Variants in SHROOM4 observed in about 807,000 individuals in gnomAD.
SHROOM4 encodes the protein protein Shroom4.
A neutral mutation model predicts 80.3 loss-of-function variants in SHROOM4; 17 were observed. That is an observed-to-expected ratio of 0.21 (90% confidence interval 0.14 to 0.32). The LOEUF (loss-of-function observed/expected upper bound fraction) is 0.32, where lower values mean the gene tolerates loss of function less well. SHROOM4 is among the 10% of genes least tolerant of loss of function. SHROOM4 has a pLI of 1.00. For missense variants in SHROOM4, 993 were observed against 1,140.3 expected, an observed-to-expected ratio of 0.87 and a Z score of 1.86; for synonymous variants, 400 against 437.5, an observed-to-expected ratio of 0.91 and a Z score of 1.07.
At chrX:50,667,676 T>TA (rs1413389770) in intron 2 of SHROOM4, among the ~76,000 whole-genome samples, 1 of 110,630 alleles carries the variant, frequency 9.0e-6, no homozygotes, top group Non-Finnish European at 1.9e-5. Context: ...AACTTAGGAG[T>TA]AAAAAAAATC....
At chrX:50,608,208 G>A in intron 5 of SHROOM4, 24 bp from the exon 6 acceptor site, 1 of 1,204,119 alleles carries the variant, frequency 8.3e-7, no homozygotes, top group Non-Finnish European at 1.1e-6. Flanking sequence ...GATGAGTACT[G>A]AGAAAAACAA....
intron 1 of SHROOM4, among the ~76,000 whole-genome samples, chrX:50,792,305 T>A (rs1935869553): frequency 9.0e-6 from 1 of 111,040 alleles, no homozygotes; most frequent in Non-Finnish European, 1.9e-5. Context: ...TCGAGACCAG[T>A]CTGGCCAACA....
rs1461318917 is a variant in SHROOM4, at chrX:50,633,687, T to C, written c.2386A>G (p.Ser796Gly). 5.0e-6 allele frequency: 6 copies of C among 1,210,440 alleles called. No homozygotes were observed. In the Admixed American group the frequency reaches 1.3e-4, roughly 26 times the overall value. ...TSHLPGLTTH[S>G]NKTFTQRPKP... ...GGTCTCTGGGTAAAAGTCTTGTTGC[T>C]ATGAGTGGTTAAACCTGGCAAATGA... is the stretch of plus-strand genomic sequence containing the variant. The change falls in exon 4 of 9, where the codon AGC becomes GGC. Residue 796 changes from serine (S) to glycine (G), a missense_variant. Ser to Gly is a moderately conservative substitution (Grantham distance 56). Coordinates refer to ENST00000376020, the MANE Select transcript of SHROOM4 (RefSeq NM_020717.5).
At chrX:50,630,287 C>T (rs782303807) in intron 4 of SHROOM4, among the ~76,000 whole-genome samples, 1 of 105,854 alleles carries the variant, frequency 9.4e-6, no homozygotes, top group South Asian at 4.7e-4. Flanking sequence ...TCTGTGAGTC[C>T]TTCTTCCAGC....
chrX:50,786,316 G>A (rs1159333965), intron 1 of SHROOM4, among the ~76,000 whole-genome samples: 2 of 111,875 alleles, frequency 1.8e-5, no homozygotes, highest in Non-Finnish European at 3.8e-5. Context: ...AGAGATGAGA[G>A]ACAGTATGTT....
rs149727135 is a variant in SHROOM4, at chrX:50,744,038, C to G, written c.118-48101G>C. ...TCCTCTGGCTGCTTTCAGGATTTTC[C>G]CTTTGGCTTTGAATTTCAGCATTTT... On this transcript the variant is annotated intron_variant, in intron 1 of 8. Coordinates refer to ENST00000376020, the MANE Select transcript of SHROOM4 (RefSeq NM_020717.5). 7.2e-5 allele frequency among the ~76,000 whole-genome samples: 8 copies of G among 111,190 alleles called. No individual in the cohort carries two copies. The East Asian group carries it at 2.3e-3, about 31-fold the overall frequency.
At chrX:50,663,193 C>T (rs1932571107) in intron 2 of SHROOM4, among the ~76,000 whole-genome samples, 1 of 111,743 alleles carries the variant, frequency 8.9e-6, no homozygotes, top group Non-Finnish European at 1.9e-5. Context: ...TATCTTCTAT[C>T]ACCCCAAACT....
intron 1 of SHROOM4, among the ~76,000 whole-genome samples, chrX:50,729,017 G>A (rs1602468070): frequency 9.1e-6 from 1 of 110,238 alleles, no homozygotes. Flanking sequence ...TTGGGGGTGG[G>A]GGTGGGAGAT....
At chrX:50,740,651 T>C (rs1557267148) in intron 1 of SHROOM4, among the ~76,000 whole-genome samples, 1 of 111,571 alleles carries the variant, frequency 9.0e-6, no homozygotes, top group Non-Finnish European at 1.9e-5. Context: ...GTAGAATACA[T>C]TCCTCCAAAG....
Position 50,596,601 on chromosome X carries a change from T to C in SHROOM4, c.*94A>G, listed in dbSNP as rs1188440302. 4.5e-6 allele frequency: 5 copies of C among 1,119,004 alleles called. No individual in the cohort carries two copies. In the Admixed American group the frequency reaches 6.7e-5, roughly 15 times the overall value. The allele number at this position is 1,119,004 out of a possible 1,213,427, so 92.2% of individuals were successfully genotyped here. A position where few individuals can be genotyped will look rare whatever the true frequency, so the allele number is the denominator to read the frequency against. On this transcript the variant is annotated 3_prime_UTR_variant, in exon 9 of 9. Transcript: ENST00000376020. The stretch of plus-strand genomic sequence containing the variant: ...GTAGAGGGCTGGAACAAACTGCTAA[T>C]TGCTATCTACTTGCTGAGAAACTGC...
intron 5 of SHROOM4, 143 bp downstream of exon 5, chrX:50,627,471 G>T: frequency 1.8e-6 from 1 of 562,095 alleles, no homozygotes; most frequent in South Asian, 2.5e-5. Context: ...GGGACAGGCT[G>T]AATTATATCT....
rs181877747 is a variant in SHROOM4 at position 50,769,656 on chromosome X, C to G, written c.117+44246G>C. Among the ~76,000 whole-genome samples, 17 of 111,807 alleles carry G rather than the reference C, an allele frequency of 1.5e-4. No homozygotes were observed. In the Admixed American group the frequency reaches 1.6e-3, roughly 11 times the overall value. ...GAAACAAGACCTCCTGGGCTTAAGC[C>G]TTCCTTCCTGTGGAGTTCTGTGGGA... On this transcript the variant is annotated intron_variant, in intron 1 of 8. Transcript: ENST00000376020.
intron 2 of SHROOM4, among the ~76,000 whole-genome samples, chrX:50,691,660 C>T (rs1012415592): frequency 4.5e-5 from 5 of 111,683 alleles, no homozygotes; most frequent in African/African-American, 1.6e-4. Context: ...TCTAAAGTTC[C>T]TTCTGTTTAT....
In SHROOM4 at chrX:50,769,947, A is replaced by C. The variant is rs149474401; in HGVS notation, c.117+43955T>G. On this transcript the variant is annotated intron_variant, in intron 1 of 8. Transcript: ENST00000376020. ...CCCTTTTGAATCTAGACACTGCATT[A>C]GTCATCTGAGTTCATTCCACATGTT... Among the ~76,000 whole-genome samples, 424 of 109,848 alleles carry C rather than the reference A, an allele frequency of 3.9e-3. 2 individuals carry two copies. The highest frequency in any genetic ancestry group is 0.013 in the African/African-American group (389 of 30,074).
At chrX:50,623,043 T>G (rs1557252265) in intron 5 of SHROOM4, among the ~76,000 whole-genome samples, 2 of 111,896 alleles carry the variant, frequency 1.8e-5, no homozygotes, top group African/African-American at 6.5e-5. Context: ...TTCTAACAAG[T>G]TCTCAGGTGA....
At position 50,607,916 on chromosome X, in the gene SHROOM4, G is replaced by A. The variant is rs781961558; in HGVS notation, c.3226C>T (p.His1076Tyr). The change falls in exon 6 of 9, where the codon CAT becomes TAT. Residue 1076 changes from histidine to tyrosine, a missense_variant. Coordinates refer to ENST00000376020, the MANE Select transcript of SHROOM4 (RefSeq NM_020717.5). ...APQSTRAWGQ[H>Y]RRELFSKGDE... is the part of the protein sequence containing the mutation. ...CCTTTGCTAAAGAGCTCCCTCCTAT[G>A]CTGCCCCCAGGCCCGGGTGCTTTGG... 7 of 1,211,746 alleles carry A rather than the reference G, an allele frequency of 5.8e-6. No individual in the cohort carries two copies. Among genetic ancestry groups the A allele is most frequent in the South Asian group, 3.5e-5 (2 of 56,937 alleles).
Position 50,594,722 on chromosome X carries a change from G to A in SHROOM4, c.*1973C>T, listed in dbSNP as rs1418513665. On this transcript the variant is annotated 3_prime_UTR_variant, in exon 9 of 9. Transcript: ENST00000376020. ...ATGACAACTATGGCCTCCATTGAAAGCACTCCCCTACCTTCTCAATCTTGG... is the reference window on the plus strand; with the variant it reads ...ATGACAACTATGGCCTCCATTGAAAACACTCCCCTACCTTCTCAATCTTGG... 1.8e-5 allele frequency: 2 copies of A among 111,802 alleles called. No individual in the cohort carries two copies. Among genetic ancestry groups the A allele is most frequent in the Non-Finnish European group, 3.8e-5 (2 of 53,181 alleles). 9.2% of individuals were successfully genotyped at this position (111,802 alleles called of 1,213,427 possible). A position where few individuals can be genotyped will look rare whatever the true frequency, so the allele number is the denominator to read the frequency against.
intron 1 of SHROOM4, among the ~76,000 whole-genome samples, chrX:50,753,726 GTTA>G (rs1363600013): frequency 8.9e-6 from 1 of 112,108 alleles, no homozygotes; most frequent in Non-Finnish European, 1.9e-5. Context: ...ACTAAAATAT[GTTA>G]TTAACATTTG....
intron 1 of SHROOM4, among the ~76,000 whole-genome samples, chrX:50,756,347 T>C (rs1478943844): frequency 3.6e-5 from 4 of 112,404 alleles, no homozygotes; most frequent in Non-Finnish European, 5.6e-5. Context: ...TGCCGAACAA[T>C]ATTCTATTGT....
Sources: gnomAD v4.1 joint callset for allele counts (sites outside exome capture counted in the v4.1 genomes callset) on GRCh38, gnomAD v4.1.1 for gene constraint, MANE v1.5 for transcripts, NCBI Gene and HGNC (gene_info 2026-07-23, HGNC 2026-07-21) for gene names.